The following SASH1 variants were observed in gnomAD, a reference collection of about 807,000 sequenced individuals.
SASH1 encodes SAM and SH3 domain-containing protein 1.
In SASH1, 44 loss-of-function variants were observed where a neutral mutation model predicts 125.2. The observed-to-expected ratio is 0.35, with a 90% CI of 0.28 to 0.45. SASH1 has a LOEUF of 0.45. SASH1 is among the 20% of genes least tolerant of loss of function. SASH1 has a pLI of 1.00. For missense variants in SASH1, 1,426 were observed against 1,614.5 expected, an observed-to-expected ratio of 0.88 and a Z score of 2.00; for synonymous variants, 639 against 649.1, an observed-to-expected ratio of 0.98 and a Z score of 0.24.
chr6:148,326,465 C>A (rs1305811765), intron 1 of SASH1, among the ~76,000 whole-genome samples: 1 of 143,116 alleles, frequency 7.0e-6, no homozygotes, highest in Admixed American at 7.3e-5. Flanking sequence ...AGTGCAATGG[C>A]GTGATCTCGG....
chr6:148,230,446 G>C, the SASH1 span, among the ~76,000 whole-genome samples: 1 of 151,770 alleles, frequency 6.6e-6, no homozygotes, highest in Non-Finnish European at 1.5e-5. Flanking sequence ...CCAAGTATTT[G>C]GGACTAGAGG....
At chr6:148,481,673 A>G (rs1425880189) in intron 7 of SASH1, among the ~76,000 whole-genome samples, 1 of 152,210 alleles carries the variant, frequency 6.6e-6, no homozygotes, top group African/African-American at 2.4e-5. Flanking sequence ...GAGCCGTCAG[A>G]ACACACATAT....
At position 148,413,796 on chromosome 6, in the gene SASH1, C is replaced by T. The variant is rs1784717210; in HGVS notation, c.285+23534C>T. ...TCCCCTTACCCCTCTCCCATTCCTTCTCCGGGCCTCTCCTTCTGCTCCCCT... is the reference window on the plus strand; with the variant it reads ...TCCCCTTACCCCTCTCCCATTCCTTTTCCGGGCCTCTCCTTCTGCTCCCCT... On this transcript the variant is annotated intron_variant, in intron 2 of 19. Transcript: ENST00000367467. 2.0e-5 allele frequency among the ~76,000 whole-genome samples: 3 copies of T among 152,246 alleles called. No individual in the cohort carries two copies. In the South Asian group the frequency reaches 6.2e-4, roughly 32 times the overall value.
the SASH1 span, among the ~76,000 whole-genome samples, chr6:148,254,114 C>A: frequency 1.4e-5 from 2 of 147,968 alleles, no homozygotes; most frequent in Non-Finnish European, 3.0e-5. Context: ...GGCTGAGGCA[C>A]AAGAATCGCT....
At chr6:148,226,278 C>T in the SASH1 span, among the ~76,000 whole-genome samples, 2 of 152,200 alleles carry the variant, frequency 1.3e-5, no homozygotes, top group African/African-American at 4.8e-5. Context: ...AATACCACTA[C>T]TTAATGGATT....
At chr6:148,504,760 C>T (rs938682385) in intron 8 of SASH1, among the ~76,000 whole-genome samples, 9 of 152,124 alleles carry the variant, frequency 5.9e-5, no homozygotes, top group Admixed American at 1.3e-4. Context: ...GCTCCTGGCC[C>T]GGGGAGCCTC....
intron 1 of SASH1, among the ~76,000 whole-genome samples, chr6:148,361,349 G>A (rs1262261046): frequency 6.6e-6 from 1 of 152,170 alleles, no homozygotes. Context: ...TGTAATCCCA[G>A]CACTTTGGGA....
chr6:148,258,692 A>G, the SASH1 span, among the ~76,000 whole-genome samples: 1 of 152,206 alleles, frequency 6.6e-6, no homozygotes, highest in African/African-American at 2.4e-5. Context: ...TCATAGATTC[A>G]GTCTGTAATC....
chr6:148,539,891 C>T (rs112716535), intron 16 of SASH1, among the ~76,000 whole-genome samples: 1 of 152,252 alleles, frequency 6.6e-6, no homozygotes, highest in African/African-American at 2.4e-5. Flanking sequence ...CAAGAGCCCT[C>T]AGCACGTGTT....
chr6:148,194,862 C>G, the SASH1 span, among the ~76,000 whole-genome samples: 1 of 152,174 alleles, frequency 6.6e-6, no homozygotes, highest in Admixed American at 6.5e-5. Context: ...GCCGAGATCG[C>G]GCCACTGCAC....
At chr6:148,303,519 G>A (rs775618036) in intron 1 of SASH1, among the ~76,000 whole-genome samples, 26 of 152,244 alleles carry the variant, frequency 1.7e-4, no homozygotes, top group Non-Finnish European at 3.4e-4. Context: ...CTCCTAGGCT[G>A]GGCGCAGTGG....
chr6:148,447,106 C>T (rs941809885), intron 4 of SASH1, among the ~76,000 whole-genome samples: 1 of 152,162 alleles, frequency 6.6e-6, no homozygotes, highest in Non-Finnish European at 1.5e-5. Context: ...GCAGGAAGGT[C>T]CAAAATAAAT....
At chr6:148,500,047 G>T (rs983412247) in intron 8 of SASH1, among the ~76,000 whole-genome samples, 1 of 152,224 alleles carries the variant, frequency 6.6e-6, no homozygotes, top group African/African-American at 2.4e-5. Context: ...TGAGAGCAAA[G>T]ATTGGCTTTT....
intron 10 of SASH1, chr6:148,525,068 G>T: frequency 3.8e-6 from 2 of 532,844 alleles, no homozygotes; most frequent in Admixed American, 3.3e-5. Context: ...CTAGACCTCT[G>T]GGGTAGGCAG....
chr6:148,377,749 CAT>C (rs1201221346), intron 1 of SASH1, among the ~76,000 whole-genome samples: 1 of 152,168 alleles, frequency 6.6e-6, no homozygotes, highest in Non-Finnish European at 1.5e-5. Flanking sequence ...CTGTGCCACT[CAT>C]GTGATATAAC....
chr6:148,547,394 G>A (rs575209389), intron 19 of SASH1, among the ~76,000 whole-genome samples: 12 of 152,256 alleles, frequency 7.9e-5, no homozygotes, highest in South Asian at 4.1e-4. Context: ...ACTCAGAATG[G>A]CATGCAATAT....
rs190214755 is a variant in SASH1, at chr6:148,451,703, A to G, written c.386+11296A>G. 2.6e-5 allele frequency among the ~76,000 whole-genome samples: 4 copies of G among 152,142 alleles called. No individual in the cohort carries two copies. In the East Asian group the frequency reaches 5.8e-4, roughly 22 times the overall value. On this transcript the variant is annotated intron_variant, in intron 4 of 19. Coordinates refer to ENST00000367467, the MANE Select transcript of SASH1 (RefSeq NM_015278.5). ...TCAGATGAAGGTACAATACCAAGAA[A>G]CTCATACGTAATATTGTGATTTAGA...
intron 1 of SASH1, among the ~76,000 whole-genome samples, chr6:148,323,457 C>T (rs533170191): frequency 6.6e-6 from 1 of 152,336 alleles, no homozygotes; most frequent in East Asian, 1.9e-4. Context: ...ATAGTCACTG[C>T]TCTGTCTTGT....
rs546953336 is a variant in SASH1 at position 148,548,486 on chromosome 6, G to A, written c.3672G>A (p.Glu1224=). 2.4e-5 allele frequency: 39 copies of A among 1,614,206 alleles called. 1 individual carries two copies. The South Asian group carries it at 4.1e-4, about 17-fold the overall frequency. The change falls in exon 20 of 20, where the codon GAG becomes GAA. Residue 1224 remains glutamate, a synonymous_variant. Coordinates refer to ENST00000367467, the MANE Select transcript of SASH1 (RefSeq NM_015278.5). ...GCCTTCAGGAGGCCGGCATCACAGA[G>A]GAGAGACACATAAGAAAGCTCCTAT... The part of the protein sequence containing the change: ...HTCLQEAGIT[E]ERHIRKLLSA...
Sources: allele counts gnomAD v4.1 joint callset (sites outside exome capture counted in the v4.1 genomes callset), GRCh38; gene constraint gnomAD v4.1.1; transcripts MANE v1.5; gene names NCBI Gene and HGNC (gene_info 2026-07-23, HGNC 2026-07-21).